PCSK5: variants seen among roughly 807,000 people sequenced by gnomAD.
The protein encoded by PCSK5 is prohormone convertase 5.
A neutral mutation model predicts 233.2 loss-of-function variants in PCSK5; 129 were observed. The observed-to-expected ratio is 0.55, with a 90% CI of 0.48 to 0.64. The LOEUF is 0.64. Among genes scored for constraint, PCSK5 ranks in the 30% least tolerant of loss-of-function variants. The pLI is 0.00. For missense variants in PCSK5, 2,076 were observed against 2,430.1 expected (o/e 0.85, Z 3.06); for synonymous variants, 825 against 879.2 (o/e 0.94, Z 1.09).
chr9:76,105,955 G>A (rs1305653710), intron 8 of PCSK5, among the ~76,000 whole-genome samples: 1 of 152,200 alleles, frequency 6.6e-6, no homozygotes, highest in Non-Finnish European at 1.5e-5. Flanking sequence ...ACATATTCAT[G>A]TGACATAGAA....
chr9:76,224,634 A>G (rs1209807512), intron 20 of PCSK5, among the ~76,000 whole-genome samples: 3 of 152,190 alleles, frequency 2.0e-5, no homozygotes. Context: ...TGGCATAAGA[A>G]GCTGTGTCTG....
chr9:76,180,985 C>G (rs910958141), intron 15 of PCSK5, among the ~76,000 whole-genome samples: 4 of 151,948 alleles, frequency 2.6e-5, no homozygotes, highest in Non-Finnish European at 4.4e-5. Flanking sequence ...ACCACCACCA[C>G]TCACACATGC....
At chr9:75,959,092 G>C (rs936567075) in intron 2 of PCSK5, among the ~76,000 whole-genome samples, 1 of 152,210 alleles carries the variant, frequency 6.6e-6, no homozygotes, top group Admixed American at 6.5e-5. Flanking sequence ...TTTAAGACCT[G>C]TGAAGAAAGT....
At chr9:76,227,640 G>A in intron 21 of PCSK5, 35 bp downstream of exon 21, 2 of 1,361,108 alleles carry the variant, frequency 1.5e-6, no homozygotes. Context: ...GGTGGTGTGA[G>A]CTCATGGATT....
intron 5 of PCSK5, among the ~76,000 whole-genome samples, chr9:76,065,246 A>G (rs1272387086): frequency 1.3e-5 from 2 of 152,084 alleles, no homozygotes; most frequent in Non-Finnish European, 2.9e-5. Flanking sequence ...GGCTATACTA[A>G]TTTACATTCC....
intron 1 of PCSK5, among the ~76,000 whole-genome samples, chr9:75,903,476 G>A (rs2131206459): frequency 6.6e-6 from 1 of 150,796 alleles, no homozygotes; most frequent in African/African-American, 2.4e-5. Context: ...CTAGTTAAAA[G>A]CAAGTCTTTC....
chr9:76,040,385 G>GTCTCTCTCTCTCTCTCTCTC (rs5898445), intron 5 of PCSK5, among the ~76,000 whole-genome samples: 1 of 80,622 alleles, frequency 1.2e-5, no homozygotes, highest in East Asian at 4.3e-4. Context: ...CTCTCTCTCT[G>GTCTCTCTCTCTCTCTCTCTC]TCTCTCTCTC....
At chr9:76,244,735 G>A (rs756279264) in intron 24 of PCSK5, among the ~76,000 whole-genome samples, 1 of 152,032 alleles carries the variant, frequency 6.6e-6, no homozygotes, top group Non-Finnish European at 1.5e-5. Context: ...TACCAAAAAG[G>A]GGGCAGAAAA....
intron 30 of PCSK5, among the ~76,000 whole-genome samples, chr9:76,311,829 C>T (rs62565669): frequency 0.056 from 8,452 of 152,244 alleles, 277 homozygotes; most frequent in Middle Eastern, 0.071. Flanking sequence ...CTGACTGGCA[C>T]CGCTGCTGAG....
chr9:76,126,490 AT>A (rs1832859196), intron 9 of PCSK5, among the ~76,000 whole-genome samples: 1 of 152,128 alleles, frequency 6.6e-6, no homozygotes, highest in Non-Finnish European at 1.5e-5. Context: ...GCACATGCCT[AT>A]AATCCCAGCC....
chr9:76,217,032 G>C lies in PCSK5; in HGVS notation c.2627-10471G>C, dbSNP rs559259791. On this transcript the variant is annotated intron_variant, in intron 20 of 37. Coordinates refer to ENST00000674117, the MANE Select transcript of PCSK5 (RefSeq NM_001372043.1). The stretch of plus-strand genomic sequence containing the variant: ...ATTTTTTGTATTTAGTAGAGATGGA[G>C]TTTCACCATGTTGGCCAGGCTGGTC... Among the ~76,000 whole-genome samples, 4 of 152,146 alleles carry C rather than the reference G, an allele frequency of 2.6e-5. No homozygotes were observed. In the East Asian group the frequency reaches 7.7e-4, roughly 29 times the overall value.
chr9:76,037,988 T>A (rs1397665389), intron 5 of PCSK5, among the ~76,000 whole-genome samples: 3 of 152,204 alleles, frequency 2.0e-5, no homozygotes, highest in African/African-American at 4.8e-5. Context: ...ACCAGCTGCA[T>A]GTAATTTGCG....
At chr9:76,244,648 A>C (rs368582142) in intron 24 of PCSK5, among the ~76,000 whole-genome samples, 10 of 150,462 alleles carry the variant, frequency 6.6e-5, no homozygotes, top group African/African-American at 1.7e-4. Context: ...AACAAAAAAA[A>C]CCCTCAAATT....
intron 24 of PCSK5, among the ~76,000 whole-genome samples, chr9:76,242,963 T>G (rs928670574): frequency 6.6e-6 from 1 of 152,192 alleles, no homozygotes; most frequent in African/African-American, 2.4e-5. Context: ...GTGTGTGAAC[T>G]CCTTCAGGTT....
chr9:75,908,917 A>ATCTATCTC (rs796285754), intron 1 of PCSK5, among the ~76,000 whole-genome samples: 17 of 116,676 alleles, frequency 1.5e-4, no homozygotes, highest in Admixed American at 5.6e-4. Flanking sequence ...CTATCTATCT[A>ATCTATCTC]TCTATCTCTC....
At chr9:75,939,090 C>T (rs994084901) in intron 2 of PCSK5, among the ~76,000 whole-genome samples, 3 of 152,102 alleles carry the variant, frequency 2.0e-5, no homozygotes, top group Admixed American at 2.0e-4. Flanking sequence ...GAAGGAAATG[C>T]AAAAGTAGCC....
chr9:76,086,443 CG>C (rs1355589011), intron 7 of PCSK5, among the ~76,000 whole-genome samples: 1 of 151,974 alleles, frequency 6.6e-6, no homozygotes, highest in Non-Finnish European at 1.5e-5. Flanking sequence ...AAGGAGTGAC[CG>C]GAAGTTAATC....
At chr9:76,131,490 T>C (rs767314926) in intron 9 of PCSK5, among the ~76,000 whole-genome samples, 3 of 152,130 alleles carry the variant, frequency 2.0e-5, no homozygotes, top group Non-Finnish European at 4.4e-5. Flanking sequence ...TTTTTCCATG[T>C]GTAGGTCCAA....
At chr9:76,064,402 C>T (rs1308842146) in intron 5 of PCSK5, among the ~76,000 whole-genome samples, 49 of 125,462 alleles carry the variant, frequency 3.9e-4, no homozygotes, top group East Asian at 2.3e-3. Flanking sequence ...GCTGGCCAGG[C>T]GGGGGGCTGA....
Sources: allele counts gnomAD v4.1 joint callset (sites outside exome capture counted in the v4.1 genomes callset), GRCh38; gene constraint gnomAD v4.1.1; transcripts MANE v1.5; gene names NCBI Gene and HGNC (gene_info 2026-07-23, HGNC 2026-07-21).